Variants in TMEFF1 observed in about 807,000 individuals in gnomAD.
TMEFF1 encodes tomoregulin-1.
TMEFF1 carries 20 observed loss-of-function variants against 47.5 expected under a neutral mutation model. The observed-to-expected ratio is 0.42, with a 90% CI of 0.30 to 0.61. TMEFF1 has a LOEUF of 0.61. Ranked by LOEUF, TMEFF1 falls within the 20% of genes least tolerant of loss-of-function variation. The pLI is 0.19. For missense variants in TMEFF1, 411 were observed against 471.1 expected, an observed-to-expected ratio of 0.87 and a Z score of 1.18; for synonymous variants, 162 against 166.3, an observed-to-expected ratio of 0.97 and a Z score of 0.20.
At chr9:100,517,529 A>C (rs767990124) in intron 5 of TMEFF1, among the ~76,000 whole-genome samples, 91 of 152,230 alleles carry the variant, frequency 6.0e-4, no homozygotes, top group Non-Finnish European at 9.8e-4. Flanking sequence ...ATTAATGTCC[A>C]AAGTTAGTTT....
At chr9:100,562,634 GTTTTGTTTTGT>G (rs1564028318) in intron 8 of TMEFF1, among the ~76,000 whole-genome samples, 24 of 29,468 alleles carry the variant, frequency 8.1e-4, no homozygotes, top group African/African-American at 4.2e-3. Context: ...TTTTTTGTTT[GTTTTGTTTTGT>G]TTTGTTTTGT....
At chr9:100,544,251 AAGACATACT>A (rs1838692029) in intron 5 of TMEFF1, among the ~76,000 whole-genome samples, 1 of 152,078 alleles carries the variant, frequency 6.6e-6, no homozygotes, top group East Asian at 1.9e-4. Context: ...ACTGCTGATA[AAGACATACT>A]AGACACTGGG....
At chr9:100,528,692 C>A in intron 5 of TMEFF1, among the ~76,000 whole-genome samples, 1 of 67,854 alleles carries the variant, frequency 1.5e-5, no homozygotes, top group Non-Finnish European at 2.8e-5. Flanking sequence ...GGAGAACTTC[C>A]CCAATCTAGC....
At chr9:100,569,389 T>C (rs1205517840) in intron 8 of TMEFF1, among the ~76,000 whole-genome samples, 10 of 152,218 alleles carry the variant, frequency 6.6e-5, no homozygotes, top group Admixed American at 6.5e-4. Context: ...TCTTTTATTT[T>C]TTGGCTATTA....
At chr9:100,524,185 G>A (rs191295199) in intron 5 of TMEFF1, among the ~76,000 whole-genome samples, 178 of 151,076 alleles carry the variant, frequency 1.2e-3, no homozygotes, top group African/African-American at 4.2e-3. Context: ...CACTATACCC[G>A]TAGTTCTGTA....
intron 7 of TMEFF1, among the ~76,000 whole-genome samples, chr9:100,557,488 C>T (rs1838934995): frequency 6.6e-6 from 1 of 152,114 alleles, no homozygotes; most frequent in South Asian, 2.1e-4. Flanking sequence ...ATATACCCTT[C>T]GCCAGTCTGA....
intron 1 of TMEFF1, 41 bp from the exon 2 acceptor site, chr9:100,498,721 TAAA>T (rs773277569): frequency 1.2e-6 from 2 of 1,602,606 alleles, no homozygotes; most frequent in East Asian, 2.2e-5. Flanking sequence ...ACACACGTAA[TAAA>T]AAGCCAAATA....
chr9:100,540,064 G>A (rs1285145113), intron 5 of TMEFF1, among the ~76,000 whole-genome samples: 1 of 152,126 alleles, frequency 6.6e-6, no homozygotes, highest in Non-Finnish European at 1.5e-5. Context: ...GCTGATTGGT[G>A]CGTTTACAAA....
At position 100,473,601 on chromosome 9, in the gene TMEFF1, C is replaced by T. The variant is rs1221079110; in HGVS notation, c.57C>T (p.Ala19=). The change falls in exon 1 of 10, where the codon GCC becomes GCT. Residue 19 remains alanine, a synonymous_variant. Transcript: ENST00000374879. This position sits in a 1 kb window ranked among gnomAD's most constrained non-coding sequence, Gnocchi z 5.4. ...PLRLPAAPPL[A]FCCYTSVLLL... ...GGCTGCCTGCCGCGCCTCCGCTCGCCTTCTGCTGCTACACGTCGGTGCTTC... is the reference window on the plus strand; with the variant it reads ...GGCTGCCTGCCGCGCCTCCGCTCGCTTTCTGCTGCTACACGTCGGTGCTTC... 2 of 1,557,052 alleles carry T rather than the reference C, an allele frequency of 1.3e-6. No individual in the cohort carries two copies. The highest frequency in any genetic ancestry group is 8.7e-7 in the Non-Finnish European group (1 of 1,152,554).
At chr9:100,527,572 C>T (rs1009240887) in intron 5 of TMEFF1, among the ~76,000 whole-genome samples, 2 of 152,220 alleles carry the variant, frequency 1.3e-5, no homozygotes, top group African/African-American at 4.8e-5. Flanking sequence ...ATATCCCGCA[C>T]CTGGCTCGGG....
chr9:100,517,609 T>C (rs1166587447), intron 5 of TMEFF1, among the ~76,000 whole-genome samples: 8 of 152,162 alleles, frequency 5.3e-5, no homozygotes, highest in African/African-American at 1.2e-4. Context: ...CTTGGTAAAA[T>C]TGTATTAATT....
At chr9:100,547,978 T>G (rs1325429690) in intron 6 of TMEFF1, 86 bp downstream of exon 6, 1 of 1,305,666 alleles carries the variant, frequency 7.7e-7, no homozygotes, top group East Asian at 2.8e-5. Flanking sequence ...TGTTTCAAAT[T>G]TGTAAAATGA....
intron 2 of TMEFF1, 43 bp downstream of exon 2, chr9:100,498,917 T>C: frequency 1.3e-6 from 2 of 1,579,426 alleles, no homozygotes; most frequent in South Asian, 1.2e-5. Context: ...ATATTCTTCG[T>C]ATTTTATAAT....
At chr9:100,561,068 T>C (rs1423558298) in intron 7 of TMEFF1, among the ~76,000 whole-genome samples, 2 of 152,224 alleles carry the variant, frequency 1.3e-5, no homozygotes, top group African/African-American at 4.8e-5. Context: ...AGAGGTGAAC[T>C]TTCTTTTAGA....
intron 9 of TMEFF1, among the ~76,000 whole-genome samples, chr9:100,574,847 A>T (rs989830737): frequency 1.3e-5 from 2 of 152,146 alleles, no homozygotes; most frequent in Non-Finnish European, 2.9e-5. Flanking sequence ...CAGTGCTATA[A>T]TGCTCAACTA....
At chr9:100,533,220 G>A (rs10989143) in intron 5 of TMEFF1, among the ~76,000 whole-genome samples, 5 of 151,810 alleles carry the variant, frequency 3.3e-5, no homozygotes, top group East Asian at 1.9e-4. Context: ...CACATGTACC[G>A]TAGAACTTAA....
At chr9:100,562,360 GA>G (rs1839033276) in intron 8 of TMEFF1, among the ~76,000 whole-genome samples, 1 of 151,746 alleles carries the variant, frequency 6.6e-6, no homozygotes, top group African/African-American at 2.4e-5. Context: ...AAAATAAGAG[GA>G]AGCAATTGGA....
chr9:100,494,785 G>T (rs1837621433), intron 1 of TMEFF1, among the ~76,000 whole-genome samples: 1 of 152,206 alleles, frequency 6.6e-6, no homozygotes, highest in Non-Finnish European at 1.5e-5. Context: ...AGTGACTGCT[G>T]CAACTACAAA....
intron 5 of TMEFF1, among the ~76,000 whole-genome samples, chr9:100,533,654 T>G (rs1307888200): frequency 6.6e-6 from 1 of 152,100 alleles, no homozygotes; most frequent in Non-Finnish European, 1.5e-5. Context: ...TTTATTGGCT[T>G]TTTTTTCTGT....
Sources: gnomAD v4.1 joint callset for allele counts (sites outside exome capture counted in the v4.1 genomes callset) on GRCh38, gnomAD v4.1.1 for gene constraint, Gnocchi (gnomAD v3.1) non-coding constraint, MANE v1.5 for transcripts, NCBI Gene and HGNC (gene_info 2026-07-23, HGNC 2026-07-21) for gene names.